Variants in TCF7L1 observed in about 807,000 individuals in gnomAD.
TCF7L1 encodes transcription factor 7-like 1.
TCF7L1 carries 18 observed loss-of-function variants against 63.7 expected under a neutral mutation model. The ratio of observed to expected loss-of-function variants is 0.28; its 90% CI spans 0.20 to 0.42. The LOEUF is 0.42. TCF7L1 is among the 10% of genes least tolerant of loss of function. The pLI is 1.00. For missense variants in TCF7L1, 654 were observed against 779.3 expected (o/e 0.84, Z 1.91); for synonymous variants, 355 against 340.9 (o/e 1.04, Z -0.46).
At chr2:85,230,091 A>G (rs1410379576) in intron 3 of TCF7L1, among the ~76,000 whole-genome samples, 1 of 152,078 alleles carries the variant, frequency 6.6e-6, no homozygotes, top group Non-Finnish European at 1.5e-5. Flanking sequence ...CTCTTTTTCA[A>G]ATATCGTTGT....
chr2:85,274,995 A>T (rs1220450216), intron 3 of TCF7L1, among the ~76,000 whole-genome samples: 1 of 152,132 alleles, frequency 6.6e-6, no homozygotes, highest in African/African-American at 2.4e-5. Flanking sequence ...CCTATTTTAC[A>T]TGTGGAAACC....
At position 85,236,111 on chromosome 2, in the gene TCF7L1, C is replaced by T. The variant is rs1200997005; in HGVS notation, c.442-47384C>T. Among the ~76,000 whole-genome samples the T allele has an allele frequency of 1.1e-4, 16 of 152,260 alleles. No homozygotes were observed. In the East Asian group the frequency reaches 2.5e-3, roughly 24 times the overall value. ...AAGGCTGCAGTGAGCTGTGATTGCA[C>T]TGCTGCACCCCAGCCTGGGTGACAG... On this transcript the variant is annotated intron_variant, in intron 3 of 11. Transcript: ENST00000282111.
chr2:85,163,531 G>A (rs1314510695), intron 3 of TCF7L1, among the ~76,000 whole-genome samples: 1 of 152,182 alleles, frequency 6.6e-6, no homozygotes, highest in East Asian at 1.9e-4. Context: ...TAAAGGATGT[G>A]ATAAGCTCCA....
intron 3 of TCF7L1, among the ~76,000 whole-genome samples, chr2:85,229,260 T>A (rs1465734473): frequency 6.6e-6 from 1 of 151,668 alleles, no homozygotes; most frequent in Non-Finnish European, 1.5e-5. Context: ...GGCAGGAAAA[T>A]CACTTGAACC....
chr2:85,296,165 G>A (rs988740811), intron 4 of TCF7L1, among the ~76,000 whole-genome samples: 9 of 152,190 alleles, frequency 5.9e-5, no homozygotes, highest in Non-Finnish European at 1.2e-4. Flanking sequence ...GATAGCCCAT[G>A]TGTTTCTCCT....
chr2:85,222,954 A>T (rs1679880070), intron 3 of TCF7L1, among the ~76,000 whole-genome samples: 1 of 152,174 alleles, frequency 6.6e-6, no homozygotes, highest in African/African-American at 2.4e-5. Flanking sequence ...TTAGGGGTGG[A>T]TGAGCAAGGA....
chr2:85,277,903 C>T (rs1039759914), intron 3 of TCF7L1, among the ~76,000 whole-genome samples: 4 of 152,138 alleles, frequency 2.6e-5, no homozygotes, highest in Admixed American at 1.3e-4. Context: ...CCACACTAAG[C>T]AAGTGTGGGA....
chr2:85,191,449 A>G (rs1015964371), intron 3 of TCF7L1, among the ~76,000 whole-genome samples: 27 of 152,194 alleles, frequency 1.8e-4, no homozygotes, highest in Admixed American at 1.8e-3. Context: ...GCACTATGCA[A>G]TGGTATAGAA....
intron 4 of TCF7L1, among the ~76,000 whole-genome samples, chr2:85,301,208 A>C (rs1158938159): frequency 6.6e-6 from 1 of 152,248 alleles, no homozygotes; most frequent in Non-Finnish European, 1.5e-5. Context: ...TGGGAGAGAC[A>C]GGTTGTACAA....
Position 85,308,940 on chromosome 2 carries a change from C to G in TCF7L1, c.1334-89C>G, listed in dbSNP as rs773187861. The G allele has an allele frequency of 3.2e-5, 47 of 1,446,788 alleles. No individual in the cohort carries two copies. The Admixed American group carries it at 3.9e-4, about 12-fold the overall frequency. 89.6% of individuals were successfully genotyped at this position (1,446,788 alleles called of 1,614,324 possible). On this transcript the variant is annotated intron_variant, in intron 11 of 11. Transcript: ENST00000282111. ...CCTCGCCAAAATCATCCCTGTGTCTCCAAAGCACATGTATCGCCAGGGCTG... is the reference window on the plus strand; with the variant it reads ...CCTCGCCAAAATCATCCCTGTGTCTGCAAAGCACATGTATCGCCAGGGCTG...
At position 85,134,319 on chromosome 2, in the gene TCF7L1, G is replaced by T. The variant is rs371804065; in HGVS notation, c.314-4G>T. The T allele has an allele frequency of 7.6e-6, 12 of 1,581,132 alleles. No homozygotes were observed. The highest frequency in any genetic ancestry group is 7.2e-5 in the Admixed American group (4 of 55,910). ...GCCTCACCTCGCCTTGGTCTTGTTC[G>T]CAGTGAGAAGGCCTCAGGACAGCGC... On this transcript the variant is annotated splice_region_variant and splice_polypyrimidine_tract_variant and intron_variant, in intron 2 of 11. Transcript: ENST00000282111. This position sits in a 1 kb window ranked among gnomAD's most constrained non-coding sequence, Gnocchi z 5.0.
chr2:85,251,978 G>T (rs1250116362), intron 3 of TCF7L1, among the ~76,000 whole-genome samples: 2 of 152,192 alleles, frequency 1.3e-5, no homozygotes, highest in African/African-American at 4.8e-5. Flanking sequence ...GGGAGGCTGA[G>T]GTGGGAGGAT....
At position 85,134,179 on chromosome 2, in the gene TCF7L1, C is replaced by A; in HGVS notation, c.313+100C>A. On this transcript the variant is annotated intron_variant, in intron 2 of 11. Coordinates refer to ENST00000282111, the MANE Select transcript of TCF7L1 (RefSeq NM_031283.3). This position sits in a 1 kb window ranked among gnomAD's most constrained non-coding sequence, Gnocchi z 5.0. The stretch of plus-strand genomic sequence containing the variant: ...TCCCCCTTGCTTGGGTGGACGCACC[C>A]TTGCCCTCCGCCTTTATTGGCGGCA... 1 of 1,526,344 alleles carries A rather than the reference C, an allele frequency of 6.6e-7. No homozygotes were observed. 94.6% of individuals were successfully genotyped at this position (1,526,344 alleles called of 1,614,324 possible). A position where few individuals can be genotyped will look rare whatever the true frequency, so the allele number is the denominator to read the frequency against.
intron 3 of TCF7L1, among the ~76,000 whole-genome samples, chr2:85,183,641 G>A (rs574753934): frequency 5.9e-5 from 9 of 152,210 alleles, no homozygotes; most frequent in Admixed American, 2.6e-4. Flanking sequence ...GAAAATCATC[G>A]GGCGAGTCAG....
chr2:85,155,702 C>T (rs1678127665), intron 3 of TCF7L1, among the ~76,000 whole-genome samples: 1 of 152,238 alleles, frequency 6.6e-6, no homozygotes, highest in Non-Finnish European at 1.5e-5. Flanking sequence ...AGATGAGGCT[C>T]AGCACTTGAA....
rs147851732 is a variant in TCF7L1 at position 85,259,830 on chromosome 2, T to G, written c.442-23665T>G. Among the ~76,000 whole-genome samples the G allele has an allele frequency of 5.1e-3, 782 of 152,178 alleles. 5 individuals carry two copies. Among genetic ancestry groups the G allele is most frequent in the African/African-American group, 0.018 (737 of 41,510 alleles). On this transcript the variant is annotated intron_variant, in intron 3 of 11. Transcript: ENST00000282111. ...AGCCTTGAAATGCGGGGATGTTGAA[T>G]GAGGAAAGGAAAAAGGAGGGCCGTG...
chr2:85,190,636 TTTGTGTTTCTTAGTTTTACAAAA>T (rs1361578059), intron 3 of TCF7L1, among the ~76,000 whole-genome samples: 4 of 152,166 alleles, frequency 2.6e-5, no homozygotes, highest in African/African-American at 9.7e-5. Flanking sequence ...CTAAGGAGCC[TTTGTGTTTCTTAGTTTTACAAAA>T]TTGTGTTTAA....
intron 3 of TCF7L1, among the ~76,000 whole-genome samples, chr2:85,163,178 A>G (rs572580019): frequency 2.6e-5 from 4 of 152,150 alleles, no homozygotes; most frequent in African/African-American, 4.8e-5. Context: ...TTTTGATTCA[A>G]CTGGTCTGGG....
At position 85,275,863 on chromosome 2, in the gene TCF7L1, T is replaced by G. The variant is rs148673455; in HGVS notation, c.442-7632T>G. Among the ~76,000 whole-genome samples, 335 of 144,512 alleles carry G rather than the reference T, an allele frequency of 2.3e-3. 3 individuals are homozygous for G. The highest frequency in any genetic ancestry group is 7.9e-3 in the African/African-American group (305 of 38,468). The allele number at this position is 144,512 out of a possible 152,430, so 94.8% of individuals were successfully genotyped here. A position where few individuals can be genotyped will look rare whatever the true frequency, so the allele number is the denominator to read the frequency against. ...TGAGCCCAGGAGGTGGAGGTTGCAG[T>G]GATCTATGATTGCGCCACTGCACTC... On this transcript the variant is annotated intron_variant, in intron 3 of 11. Coordinates refer to ENST00000282111, the MANE Select transcript of TCF7L1 (RefSeq NM_031283.3).
Sources: allele counts gnomAD v4.1 joint callset (sites outside exome capture counted in the v4.1 genomes callset), GRCh38; gene constraint gnomAD v4.1.1; non-coding constraint Gnocchi (gnomAD v3.1); transcripts MANE v1.5; gene names NCBI Gene and HGNC (gene_info 2026-07-23, HGNC 2026-07-21).